The following CLEC12A variants were observed in gnomAD, a reference collection of about 807,000 sequenced individuals.
The protein encoded by CLEC12A is C-type lectin domain family 12 member A.
In CLEC12A, 22 loss-of-function variants were observed where a neutral mutation model predicts 26.5. The observed-to-expected ratio is 0.83, with a 90% confidence interval of 0.59 to 1.19. The LOEUF (loss-of-function observed/expected upper bound fraction) is 1.19. CLEC12A is among the 50% of genes most tolerant of loss of function. The pLI is 0.00. For synonymous variants in CLEC12A, 119 were observed against 101.9 expected, an observed-to-expected ratio of 1.17 and a Z score of -1.01; for missense variants, 353 against 315.6, an observed-to-expected ratio of 1.12 and a Z score of -0.90.
intron 4 of CLEC12A, chr12:9,994,875 A>T (rs1056192510): frequency 1.4e-6 from 1 of 697,414 alleles, no homozygotes; most frequent in Non-Finnish European, 2.1e-6. Context: ...ACATGCACAC[A>T]GTGTTCCATG....
At chr12:9,988,537 T>A (rs1201968529), downstream of CLEC12A, among the ~76,000 whole-genome samples, 2 of 152,040 alleles carry the variant, frequency 1.3e-5, no homozygotes. Context: ...AACAACCCCA[T>A]CAAAAAGTGG....
chr12:9,993,101 C>T, intron 4 of CLEC12A: 3 of 1,563,384 alleles, frequency 1.9e-6, no homozygotes, highest in Non-Finnish European at 2.6e-6. Context: ...TTTTATTGTA[C>T]AATAAAGCCC....
intron 1 of CLEC12A, chr12:9,953,391 CGTCCGGG>C (rs1863674790): frequency 3.2e-5 from 2 of 62,984 alleles, no homozygotes; most frequent in Admixed American, 1.5e-4. Context: ...CCAGCCGCCC[CGTCCGGG>C]AGGGAGGTGG....
intron 1 of CLEC12A, among the ~76,000 whole-genome samples, chr12:9,962,660 A>T (rs1307063813): frequency 6.6e-6 from 1 of 151,752 alleles, no homozygotes; most frequent in Non-Finnish European, 1.5e-5. Flanking sequence ...TCAGTGGGGG[A>T]GCTTTTGAGC....
upstream of CLEC12A, among the ~76,000 whole-genome samples, chr12:9,969,202 C>T (rs149837288): frequency 7.7e-3 from 1,178 of 152,040 alleles, 17 homozygotes; most frequent in African/African-American, 0.028. Context: ...CTATAGTTGA[C>T]AATAATTTAT....
chr12:9,967,856 C>T (rs920368577), upstream of CLEC12A, among the ~76,000 whole-genome samples: 5 of 152,158 alleles, frequency 3.3e-5, no homozygotes, highest in African/African-American at 1.2e-4. Flanking sequence ...GCAGGTGTCC[C>T]CACATGGTCA....
the CLEC12A span, among the ~76,000 whole-genome samples, chr12:10,003,559 C>T: frequency 6.6e-6 from 1 of 152,270 alleles, no homozygotes; most frequent in African/African-American, 2.4e-5. Flanking sequence ...CAATGTTTTT[C>T]AGGCAGGGCA....
chr12:9,996,691 T>A, downstream of CLEC12A: 1 of 773,040 alleles, frequency 1.3e-6, no homozygotes, highest in Non-Finnish European at 2.3e-6. Context: ...ATTGAATATC[T>A]GGGTTCTGTA....
At chr12:9,978,120 A>G (rs1864409189) in intron 1 of CLEC12A, among the ~76,000 whole-genome samples, 1 of 152,160 alleles carries the variant, frequency 6.6e-6, no homozygotes, top group Non-Finnish European at 1.5e-5. Flanking sequence ...GATGTAAGAC[A>G]TAGCTCAGAA....
chr12:9,977,837 A>G (rs1864397845), intron 1 of CLEC12A, among the ~76,000 whole-genome samples: 1 of 152,204 alleles, frequency 6.6e-6, no homozygotes, highest in Non-Finnish European at 1.5e-5. Context: ...AATAAATACA[A>G]GGCACTCAAA....
At chr12:9,957,333 CAAAA>C (rs1565546145) in intron 1 of CLEC12A, among the ~76,000 whole-genome samples, 1 of 151,816 alleles carries the variant, frequency 6.6e-6, no homozygotes, top group African/African-American at 2.4e-5. Context: ...ACTAAAAATA[CAAAA>C]ATTAGCTGGG....
At chr12:10,006,024 A>G in the CLEC12A span, among the ~76,000 whole-genome samples, 1 of 152,198 alleles carries the variant, frequency 6.6e-6, no homozygotes, top group African/African-American at 2.4e-5. Flanking sequence ...TTAACTCAAT[A>G]TTTCTTTTAA....
intron 4 of CLEC12A, among the ~76,000 whole-genome samples, chr12:9,993,791 G>T (rs1864958655): frequency 6.6e-6 from 1 of 152,104 alleles, no homozygotes; most frequent in East Asian, 1.9e-4. Flanking sequence ...TATTGTAATT[G>T]TCTGTTAAGT....
At chr12:9,976,682 T>C (rs1864350021) in intron 1 of CLEC12A, among the ~76,000 whole-genome samples, 1 of 152,150 alleles carries the variant, frequency 6.6e-6, no homozygotes, top group Non-Finnish European at 1.5e-5. Flanking sequence ...GGTTTTGAAA[T>C]GTGAGACATG....
the CLEC12A span, among the ~76,000 whole-genome samples, chr12:10,001,137 T>C: frequency 1.3e-5 from 2 of 152,196 alleles, no homozygotes. Flanking sequence ...ACATTTTTTG[T>C]TTATTAACAA....
chr12:9,973,576 T>C (rs1027396741), intron 1 of CLEC12A, among the ~76,000 whole-genome samples: 4 of 152,070 alleles, frequency 2.6e-5, no homozygotes, highest in African/African-American at 9.7e-5. Context: ...TGGTGAAAAA[T>C]ACACAAATTT....
At chr12:9,974,526 G>A in intron 1 of CLEC12A, among the ~76,000 whole-genome samples, 1 of 152,172 alleles carries the variant, frequency 6.6e-6, no homozygotes, top group Non-Finnish European at 1.5e-5. Context: ...GTCAAAAATA[G>A]TAATATTTAT....
Position 9,985,058 on chromosome 12 carries a change from G to C in CLEC12A, c.*32G>C. On this transcript the variant is annotated 3_prime_UTR_variant, in exon 6 of 6. Coordinates refer to ENST00000304361, the MANE Select transcript of CLEC12A (RefSeq NM_138337.6). ...AATCAAATACATTTAAGGAGTGTAG[G>C]GGGTGGGGGTTCTAGGCTATAGGTA... is the stretch of plus-strand genomic sequence containing the variant. 1.4e-6 allele frequency: 2 copies of C among 1,410,580 alleles called. No homozygotes were observed. Among genetic ancestry groups the C allele is most frequent in the Non-Finnish European group, 1.8e-6 (2 of 1,083,306 alleles). 87.4% of individuals were successfully genotyped at this position (1,410,580 alleles called of 1,614,324 possible). A position where few individuals can be genotyped will look rare whatever the true frequency, so the allele number is the denominator to read the frequency against.
chr12:9,962,188 A>G (rs1390280610), intron 1 of CLEC12A, among the ~76,000 whole-genome samples: 1 of 148,576 alleles, frequency 6.7e-6, no homozygotes, highest in Non-Finnish European at 1.5e-5. Context: ...TCTTATCTCT[A>G]TCTTGTAAAT....
Sources: gnomAD v4.1 joint callset for allele counts (sites outside exome capture counted in the v4.1 genomes callset) on GRCh38, gnomAD v4.1.1 for gene constraint, MANE v1.5 for transcripts, NCBI Gene and HGNC (gene_info 2026-07-23, HGNC 2026-07-21) for gene names.